The following MEOX1 variants were observed in gnomAD, a reference collection of about 807,000 sequenced individuals.
The protein encoded by MEOX1 is mesenchyme homeobox 1.
A neutral mutation model predicts 23.2 loss-of-function variants in MEOX1; 17 were observed. That is an observed-to-expected ratio of 0.73 (90% CI 0.50 to 1.10). The LOEUF (loss-of-function observed/expected upper bound fraction) is 1.10, where lower values mean the gene tolerates loss of function less well. Among genes scored for constraint, MEOX1 ranks in the 50% least tolerant of loss-of-function variants. The pLI, the probability that MEOX1 is intolerant of heterozygous loss-of-function variation, is 0.00. For missense variants in MEOX1, 333 were observed against 332.2 expected (o/e 1.00, Z -0.02); for synonymous variants, 134 against 135.1 (o/e 0.99, Z 0.06).
Position 43,657,000 on chromosome 17 carries a change from CTTTCTTTCTTTCTCTT to C in MEOX1, c.469+4050_469+4065del, listed in dbSNP as rs1567748179. On this transcript the variant is annotated intron_variant, in intron 1 of 2. Transcript: ENST00000318579. ...TTGTTCATTTTCTTTCTTTCTTTTT[CTTTCTTTCTTTCTCTT>C]TCTTTCTTTCTTTCTTTCTTTCTTT... Among the ~76,000 whole-genome samples, 907 of 121,972 alleles carry C rather than the reference CTTTCTTTCTTTCTCTT, an allele frequency of 7.4e-3. 14 individuals are homozygous for C. The highest frequency in any genetic ancestry group is 0.035 in the African/African-American group (862 of 24,516). 80.0% of individuals were successfully genotyped at this position (121,972 alleles called of 152,430 possible).
intron 1 of MEOX1, among the ~76,000 whole-genome samples, chr17:43,648,828 G>C (rs931212062): frequency 6.6e-6 from 1 of 152,118 alleles, no homozygotes; most frequent in South Asian, 2.1e-4. Flanking sequence ...GCCCTCCCCA[G>C]CCTTCCCACA....
chr17:43,643,497 A>C lies in MEOX1; in HGVS notation c.633T>G (p.Ser211=), dbSNP rs1015094658. ...CCCACCGGGGGCGCACCTGGCGCTC[A>C]GAGAGGTCCAGGTTTACCGCAATCT... is the stretch of plus-strand genomic sequence containing the variant. ...RYEIAVNLDL[S]ERQVKVWFQN... is the part of the protein sequence containing the mutation. The change falls in exon 2 of 3, where the codon TCT becomes TCG. Residue 211 remains serine (S), a synonymous_variant. Coordinates refer to ENST00000318579, the MANE Select transcript of MEOX1 (RefSeq NM_004527.4). 7 of 1,589,022 alleles carry C rather than the reference A, an allele frequency of 4.4e-6. No homozygotes were observed. Among genetic ancestry groups the C allele is most frequent in the Non-Finnish European group, 6.0e-6 (7 of 1,167,362 alleles).
At chr17:43,658,944 G>A (rs554854430) in intron 1 of MEOX1, among the ~76,000 whole-genome samples, 23 of 152,308 alleles carry the variant, frequency 1.5e-4, no homozygotes, top group African/African-American at 5.3e-4. Flanking sequence ...GGGCCCCTGC[G>A]GATGGGAACC....
At chr17:43,659,267 AG>A (rs1227716389) in intron 1 of MEOX1, among the ~76,000 whole-genome samples, 1 of 152,184 alleles carries the variant, frequency 6.6e-6, no homozygotes, top group Non-Finnish European at 1.5e-5. Flanking sequence ...CTCTTCAACC[AG>A]GTTCAGAGCC....
intron 1 of MEOX1, among the ~76,000 whole-genome samples, chr17:43,646,008 C>T (rs1001085380): frequency 2.7e-4 from 41 of 152,202 alleles, no homozygotes; most frequent in African/African-American, 9.6e-4. Flanking sequence ...TCCGGGAACT[C>T]GAGAAGGCGG....
intron 1 of MEOX1, among the ~76,000 whole-genome samples, chr17:43,658,119 C>T (rs866790365): frequency 4.6e-5 from 7 of 152,260 alleles, no homozygotes; most frequent in African/African-American, 1.4e-4. Context: ...ATGGAAAACG[C>T]GTTTCTGATC....
chr17:43,656,601 G>A (rs186662724), intron 1 of MEOX1, among the ~76,000 whole-genome samples: 7 of 152,188 alleles, frequency 4.6e-5, no homozygotes, highest in African/African-American at 9.7e-5. Context: ...GACAAATCAC[G>A]TCTGATTAAA....
At chr17:43,649,487 A>G (rs1357297969) in intron 1 of MEOX1, among the ~76,000 whole-genome samples, 1 of 151,910 alleles carries the variant, frequency 6.6e-6, no homozygotes, top group African/African-American at 2.4e-5. Context: ...TTGTATTTTT[A>G]GTAGAGATGG....
At chr17:43,644,208 A>G (rs1161735151) in intron 1 of MEOX1, among the ~76,000 whole-genome samples, 3 of 152,126 alleles carry the variant, frequency 2.0e-5, no homozygotes, top group African/African-American at 7.2e-5. Context: ...CTGCTCTAAG[A>G]CCTCACCACT....
At chr17:43,644,895 G>C (rs1454544096) in intron 1 of MEOX1, among the ~76,000 whole-genome samples, 9 of 152,110 alleles carry the variant, frequency 5.9e-5, no homozygotes, top group Admixed American at 5.9e-4. Context: ...CAGCCTGGGC[G>C]ACAGAGCAAG....
rs769920468 is a variant in MEOX1, at chr17:43,661,377, G to A, written c.158C>T (p.Ala53Val). ...GTCAGGGTACGCTGCCGTCGCTGTCGCCAGGAAGTCTGGTTTCTGGTGGAA... is the reference window on the plus strand; with the variant it reads ...GTCAGGGTACGCTGCCGTCGCTGTCACCAGGAAGTCTGGTTTCTGGTGGAA... ...FSFHQKPDFL[A>V]TATAAYPDFS... is the part of the protein sequence containing the mutation. The change falls in exon 1 of 3, where the codon GCG becomes GTG. Residue 53 changes from alanine (A) to valine (V), a missense_variant. Physicochemically the swap from Ala to Val is moderately conservative, Grantham distance 64. Transcript: ENST00000318579. 1.0e-5 allele frequency: 16 copies of A among 1,585,650 alleles called. No individual in the cohort carries two copies. The highest frequency in any genetic ancestry group is 1.3e-5 in the Non-Finnish European group (15 of 1,165,716).
At chr17:43,645,542 G>T (rs1169267467) in intron 1 of MEOX1, among the ~76,000 whole-genome samples, 1 of 152,186 alleles carries the variant, frequency 6.6e-6, no homozygotes, top group Non-Finnish European at 1.5e-5. Flanking sequence ...GAAACCTGCG[G>T]CCCAACGTCC....
At chr17:43,642,637 G>A (rs1210952406) in intron 2 of MEOX1, among the ~76,000 whole-genome samples, 2 of 151,874 alleles carry the variant, frequency 1.3e-5, no homozygotes, top group East Asian at 1.9e-4. Context: ...CTATTATTCC[G>A]TATCAGAGCA....
intron 1 of MEOX1, among the ~76,000 whole-genome samples, chr17:43,647,352 C>T (rs1489098694): frequency 6.6e-6 from 1 of 152,214 alleles, no homozygotes; most frequent in Non-Finnish European, 1.5e-5. Flanking sequence ...GGAAAAAGTA[C>T]TTGCTAAGTA....
chr17:43,645,717 C>T (rs1251329612), intron 1 of MEOX1, among the ~76,000 whole-genome samples: 1 of 152,214 alleles, frequency 6.6e-6, no homozygotes, highest in African/African-American at 2.4e-5. Context: ...TAAGCAGCCG[C>T]ATTGGGAGTG....
Position 43,654,586 on chromosome 17 carries a change from C to T in MEOX1, c.469+6480G>A, listed in dbSNP as rs140263234. Among the ~76,000 whole-genome samples, 91 of 152,018 alleles carry T rather than the reference C, an allele frequency of 6.0e-4. 1 individual carries two copies. In the East Asian group the frequency reaches 0.016, roughly 26 times the overall value. ...CTGTAATCCTAGCACTTTGGAAGGC[C>T]GAGGCAGGAGGATTGTTTGAGGCCA... On this transcript the variant is annotated intron_variant, in intron 1 of 2. Transcript: ENST00000318579.
chr17:43,652,817 T>C (rs72833177), intron 1 of MEOX1, among the ~76,000 whole-genome samples: 12,727 of 144,242 alleles, frequency 0.088, 749 homozygotes, highest in African/African-American at 0.14. Context: ...TTCTCATCTC[T>C]ACTATTGCTT....
intron 1 of MEOX1, among the ~76,000 whole-genome samples, chr17:43,645,980 G>C (rs754787906): frequency 1.3e-5 from 2 of 152,254 alleles, no homozygotes; most frequent in Non-Finnish European, 2.9e-5. Flanking sequence ...GGGATGGAAG[G>C]GGAGTGGGTG....
intron 1 of MEOX1, among the ~76,000 whole-genome samples, chr17:43,644,336 GT>G (rs1972762948): frequency 6.6e-6 from 1 of 152,224 alleles, no homozygotes; most frequent in Non-Finnish European, 1.5e-5. Flanking sequence ...AGAGGGCCAA[GT>G]CTGGAAAGCC....
Sources: allele counts gnomAD v4.1 joint callset (sites outside exome capture counted in the v4.1 genomes callset), GRCh38; gene constraint gnomAD v4.1.1; transcripts MANE v1.5; gene names NCBI Gene and HGNC (gene_info 2026-07-23, HGNC 2026-07-21).